The following BZW2 variants were observed in gnomAD, a reference collection of about 807,000 sequenced individuals.
BZW2 encodes eIF5-mimic protein 1.
In BZW2, 23 loss-of-function variants were observed where a neutral mutation model predicts 53.2. That is an observed-to-expected ratio of 0.43 (90% CI 0.31 to 0.61). The LOEUF is 0.61. BZW2 is among the 20% of genes least tolerant of loss of function. The probability of loss-of-function intolerance (pLI) is 0.09; values close to 1 mark genes in which losing one functional copy is unlikely to be tolerated. For missense variants in BZW2, 409 were observed against 503.1 expected (o/e 0.81, Z 1.79); for synonymous variants, 227 against 186.4 (o/e 1.22, Z -1.77).
intron 9 of BZW2, 95 bp downstream of exon 9, chr7:16,697,156 C>T: frequency 7.3e-7 from 1 of 1,377,554 alleles, no homozygotes; most frequent in Non-Finnish European, 9.7e-7. Context: ...GTGGCACGAT[C>T]TGCGCTCACT....
chr7:16,691,453 G>A (rs1057317556), intron 7 of BZW2, among the ~76,000 whole-genome samples: 4 of 152,200 alleles, frequency 2.6e-5, no homozygotes, highest in African/African-American at 9.6e-5. Context: ...GGCTAAGCCT[G>A]GCTTAGTTCC....
chr7:16,648,751 C>A (rs1235461633), intron 1 of BZW2, among the ~76,000 whole-genome samples: 2 of 152,144 alleles, frequency 1.3e-5, no homozygotes, highest in East Asian at 3.9e-4. Context: ...CCCAACCTGC[C>A]GGTAATTTCC....
At chr7:16,672,869 C>A (rs887855592) in intron 2 of BZW2, among the ~76,000 whole-genome samples, 1 of 151,154 alleles carries the variant, frequency 6.6e-6, no homozygotes, top group Non-Finnish European at 1.5e-5. Flanking sequence ...TCTGCAGACT[C>A]ATGTGTCCAT....
intron 7 of BZW2, among the ~76,000 whole-genome samples, chr7:16,691,188 T>A (rs1783291095): frequency 6.6e-6 from 1 of 152,204 alleles, no homozygotes; most frequent in Admixed American, 6.5e-5. Flanking sequence ...TAATTTTCAT[T>A]CCTCATGTTT....
At position 16,681,349 on chromosome 7, in the gene BZW2, A is replaced by G. The variant is rs1436149070; in HGVS notation, c.284A>G (p.Asn95Ser). ...IDDGDKTKMT[N>S]HCVFSANEDH... The stretch of plus-strand genomic sequence containing the variant: ...GATGGTGACAAGACCAAGATGACCA[A>G]CCACTGTGTGTTTTCAGCAAATGAA... Residue 95 changes from asparagine to serine, a missense_variant, in exon 4 of 12, where the codon AAC (asparagine) becomes AGC (serine). Around this residue, in one of 3 missense-constraint regions of BZW2, gnomAD observed 316 missense variants for 366.8 expected, o/e 0.86. Coordinates refer to ENST00000258761, the MANE Select transcript of BZW2 (RefSeq NM_014038.3). 15 of 1,613,948 alleles carry G rather than the reference A, an allele frequency of 9.3e-6. No homozygotes were observed. The highest frequency in any genetic ancestry group is 1.3e-5 in the Non-Finnish European group (15 of 1,179,992).
chr7:16,703,898 T>C (rs939851945), intron 10 of BZW2, among the ~76,000 whole-genome samples: 1 of 152,180 alleles, frequency 6.6e-6, no homozygotes, highest in Non-Finnish European at 1.5e-5. Flanking sequence ...CTATTTTGTC[T>C]TAATGTAGTA....
chr7:16,673,806 A>G (rs1001980382), intron 2 of BZW2, among the ~76,000 whole-genome samples: 2 of 152,202 alleles, frequency 1.3e-5, no homozygotes, highest in African/African-American at 4.8e-5. Flanking sequence ...ATGAGACCAA[A>G]AAGTTTAGCA....
At chr7:16,703,432 G>A (rs1303139624) in intron 10 of BZW2, among the ~76,000 whole-genome samples, 4 of 152,054 alleles carry the variant, frequency 2.6e-5, no homozygotes, top group African/African-American at 9.7e-5. Flanking sequence ...CAATGTTTTT[G>A]TTATGAAACT....
At position 16,699,538 on chromosome 7, in the gene BZW2, G is replaced by A. The variant is rs535991591; in HGVS notation, c.1108+1352G>A. 4.3e-4 allele frequency among the ~76,000 whole-genome samples: 66 copies of A among 152,220 alleles called. No homozygotes were observed. The South Asian group carries it at 6.9e-3, about 16-fold the overall frequency. On this transcript the variant is annotated intron_variant, in intron 10 of 11. Coordinates refer to ENST00000258761, the MANE Select transcript of BZW2 (RefSeq NM_014038.3). ...TCCACTACGGAAAACCAAACTGTTC[G>A]TAAACTAGTTAGTTACCTGAACATA...
At chr7:16,689,981 T>G (rs1490595915) in intron 7 of BZW2, 75 bp downstream of exon 7, 2 of 1,075,780 alleles carry the variant, frequency 1.9e-6, no homozygotes, top group Non-Finnish European at 1.3e-6. Context: ...CAATGTAGTA[T>G]ATGAGTAAGA....
At position 16,655,160 on chromosome 7, in the gene BZW2, A is replaced by G. The variant is rs143188584; in HGVS notation, c.-8+8872A>G. The stretch of plus-strand genomic sequence containing the variant: ...GCGACTTTCTAAAATTAAATCCTCT[A>G]TCAAACAAGGAAATTTCTCATCATT... On this transcript the variant is annotated intron_variant, in intron 1 of 11. Transcript: ENST00000258761. Among the ~76,000 whole-genome samples, 30 of 152,324 alleles carry G rather than the reference A, an allele frequency of 2.0e-4. No homozygotes were observed. In the East Asian group the frequency reaches 5.4e-3, roughly 27 times the overall value.
chr7:16,648,318 G>A (rs567912907), intron 1 of BZW2, among the ~76,000 whole-genome samples: 1 of 152,290 alleles, frequency 6.6e-6, no homozygotes, highest in African/African-American at 2.4e-5. Flanking sequence ...AATTATTCTA[G>A]TGTTATGACA....
chr7:16,650,347 A>C (rs1781953728), intron 1 of BZW2, among the ~76,000 whole-genome samples: 1 of 152,200 alleles, frequency 6.6e-6, no homozygotes, highest in South Asian at 2.1e-4. Flanking sequence ...AGGTGAATGA[A>C]GTGGAGATAC....
rs34699573 is a variant in BZW2, at chr7:16,685,876, CTTTTTTTTTTT to C, written c.406-20_406-10del. ...TTCCTTTTTTTTTCTTTTTCTTTTTCTTTTTTTTTTTTTTTTTTTGACCCACAGCTTCTCCT... is the reference window on the plus strand; with the variant it reads ...TTCCTTTTTTTTTCTTTTTCTTTTTCTTTTTTTTGACCCACAGCTTCTCCT... On this transcript the variant is annotated intron_variant, in intron 5 of 11. Coordinates refer to ENST00000258761, the MANE Select transcript of BZW2 (RefSeq NM_014038.3). The C allele has an allele frequency of 7.7e-6, 10 of 1,294,588 alleles. No individual in the cohort carries two copies. The highest frequency in any genetic ancestry group is 5.2e-5 in the South Asian group (3 of 58,192). 80.2% of individuals were successfully genotyped at this position (1,294,588 alleles called of 1,614,324 possible).
At chr7:16,649,740 G>C (rs1422142468) in intron 1 of BZW2, among the ~76,000 whole-genome samples, 1 of 152,088 alleles carries the variant, frequency 6.6e-6, no homozygotes, top group Non-Finnish European at 1.5e-5. Context: ...ATTTTTAAAA[G>C]ATTACTTATC....
rs575577752 is a variant in BZW2 at position 16,663,604 on chromosome 7, TA to T, written c.-7-1825del. 7.1e-3 allele frequency among the ~76,000 whole-genome samples: 1,073 copies of T among 152,054 alleles called. 15 individuals carry two copies. The highest frequency in any genetic ancestry group is 0.025 in the African/African-American group (1,019 of 41,512). ...TTTTTTCATGTTCTTAAGGATTTTTTAAAAAAAACTTTTGGGAGTAATTAAA... is the reference window on the plus strand; with the variant it reads ...TTTTTTCATGTTCTTAAGGATTTTTTAAAAAAACTTTTGGGAGTAATTAAA... On this transcript the variant is annotated intron_variant, in intron 1 of 11. Coordinates refer to ENST00000258761, the MANE Select transcript of BZW2 (RefSeq NM_014038.3).
chr7:16,655,311 A>T (rs192839497), intron 1 of BZW2, among the ~76,000 whole-genome samples: 82 of 152,318 alleles, frequency 5.4e-4, no homozygotes, highest in African/African-American at 1.9e-3. Flanking sequence ...TCTTTATTGA[A>T]GGAAGAAATT....
intron 2 of BZW2, among the ~76,000 whole-genome samples, chr7:16,670,225 C>G (rs1782560869): frequency 6.6e-6 from 1 of 152,168 alleles, no homozygotes; most frequent in Admixed American, 6.5e-5. Context: ...TTGAAATATC[C>G]TTGGCTGTAG....
At chr7:16,683,967 A>T (rs140133764) in intron 5 of BZW2, among the ~76,000 whole-genome samples, 276 of 152,280 alleles carry the variant, frequency 1.8e-3, no homozygotes, top group African/African-American at 6.2e-3. Flanking sequence ...TTCTTACATG[A>T]CCCATGACCC....
Sources: gnomAD v4.1 joint callset for allele counts (sites outside exome capture counted in the v4.1 genomes callset) on GRCh38, gnomAD v4.1.1 for gene constraint, gnomAD v4.1.1 regional missense constraint, MANE v1.5 for transcripts, NCBI Gene and HGNC (gene_info 2026-07-23, HGNC 2026-07-21) for gene names.